Variants in ATRNL1 observed in about 807,000 individuals in gnomAD.
The protein encoded by ATRNL1 is attractin like 1, also known as attractin-like protein 1.
A neutral mutation model predicts 182.7 loss-of-function variants in ATRNL1; 95 were observed. The observed-to-expected ratio is 0.52, with a 90% CI of 0.44 to 0.62. ATRNL1 has a LOEUF of 0.62. Ranked by LOEUF, ATRNL1 falls within the 20% of genes least tolerant of loss-of-function variation. The pLI, the probability that ATRNL1 is intolerant of heterozygous loss-of-function variation, is 0.00. For synonymous variants in ATRNL1, 576 were observed against 568.3 expected, an observed-to-expected ratio of 1.01 and a Z score of -0.19; for missense variants, 1,471 against 1,679.5, an observed-to-expected ratio of 0.88 and a Z score of 2.17.
intron 8 of ATRNL1, among the ~76,000 whole-genome samples, chr10:115,187,494 G>C (rs1554888977): frequency 6.6e-6 from 1 of 151,874 alleles, no homozygotes; most frequent in African/African-American, 2.4e-5. Flanking sequence ...CATGAGAACT[G>C]GTGATCCCAG....
chr10:115,355,633 T>C (rs918813018), intron 19 of ATRNL1, among the ~76,000 whole-genome samples: 38 of 152,146 alleles, frequency 2.5e-4, no homozygotes, highest in African/African-American at 8.4e-4. Flanking sequence ...TCATGAAATA[T>C]ACAGACATTA....
intron 19 of ATRNL1, among the ~76,000 whole-genome samples, chr10:115,358,934 T>G (rs1254708493): frequency 1.3e-5 from 2 of 151,650 alleles, no homozygotes; most frequent in Non-Finnish European, 3.0e-5. Context: ...TTTATTCAGT[T>G]TCCAAGACTT....
rs782633296 is a variant in ATRNL1, at chr10:115,426,314, T to G, written c.3322+12T>G. ...AGGAACATGTTATTGTAAGTATATG[T>G]GTATTCTTCATTTTAAATAATTGGT... On this transcript the variant is annotated intron_variant, in intron 21 of 28. Transcript: ENST00000355044. 2.1e-5 allele frequency: 34 copies of G among 1,584,752 alleles called. No homozygotes were observed. Among genetic ancestry groups the G allele is most frequent in the Non-Finnish European group, 2.8e-5 (32 of 1,157,822 alleles).
chr10:115,666,993 G>T (rs181382174), intron 26 of ATRNL1, among the ~76,000 whole-genome samples: 1 of 152,248 alleles, frequency 6.6e-6, no homozygotes, highest in East Asian at 1.9e-4. Flanking sequence ...AATACATGCA[G>T]TTTAGGGACT....
intron 27 of ATRNL1, among the ~76,000 whole-genome samples, chr10:115,796,232 G>A (rs1949651185): frequency 6.6e-6 from 1 of 151,790 alleles, no homozygotes; most frequent in Non-Finnish European, 1.5e-5. Context: ...ATATGCGGTT[G>A]CCTTTTCCAC....
chr10:115,142,602 A>T (rs1418108183), intron 5 of ATRNL1, among the ~76,000 whole-genome samples: 1 of 152,178 alleles, frequency 6.6e-6, no homozygotes, highest in Admixed American at 6.5e-5. Context: ...CCATTGAAGG[A>T]TTTTGAGCAG....
intron 10 of ATRNL1, among the ~76,000 whole-genome samples, chr10:115,263,781 C>T (rs115434707): frequency 0.012 from 1,786 of 151,744 alleles, 33 homozygotes; most frequent in African/African-American, 0.04. Flanking sequence ...CATAGGCCTC[C>T]ATAATAATAT....
chr10:115,540,354 C>G (rs142533262), intron 25 of ATRNL1, among the ~76,000 whole-genome samples: 150 of 152,154 alleles, frequency 9.9e-4, no homozygotes, highest in African/African-American at 3.4e-3. Context: ...GCATTGTGAC[C>G]ATAGCCTCCA....
chr10:115,947,805 C>G lies in ATRNL1; in HGVS notation c.*3026C>G, dbSNP rs1331040665. 6.6e-6 allele frequency: 1 copy of G among 152,160 alleles called. No individual in the cohort carries two copies. Among genetic ancestry groups the G allele is most frequent in the Non-Finnish European group, 1.5e-5 (1 of 68,068 alleles). The allele number at this position is 152,160 out of a possible 1,614,324, so 9.4% of individuals were successfully genotyped here. ...ACAGGCTGGAAAACGGGCACTGGAC[C>G]CAGCTTTCAGGTGTGTGGTGCTGGG... On this transcript the variant is annotated 3_prime_UTR_variant, in exon 29 of 29. Transcript: ENST00000355044.
intron 17 of ATRNL1, among the ~76,000 whole-genome samples, chr10:115,309,203 A>G (rs2133997276): frequency 6.6e-6 from 1 of 152,234 alleles, no homozygotes; most frequent in Middle Eastern, 3.4e-3. Context: ...GAAGTTGGGT[A>G]ATATGATGCC....
chr10:115,690,922 G>A (rs1331875894), intron 26 of ATRNL1, among the ~76,000 whole-genome samples: 1 of 152,128 alleles, frequency 6.6e-6, no homozygotes, highest in Non-Finnish European at 1.5e-5. Flanking sequence ...GTAGGGATGT[G>A]GACTGCTGAA....
intron 26 of ATRNL1, among the ~76,000 whole-genome samples, chr10:115,687,932 T>C (rs1946271148): frequency 6.6e-6 from 1 of 152,106 alleles, no homozygotes; most frequent in South Asian, 2.1e-4. Flanking sequence ...TGTATGTTTT[T>C]AACCCTAATC....
At chr10:115,305,331 GT>G (rs1411919288) in intron 17 of ATRNL1, among the ~76,000 whole-genome samples, 2 of 152,162 alleles carry the variant, frequency 1.3e-5, no homozygotes, top group Non-Finnish European at 2.9e-5. Flanking sequence ...CAGCTGTTGT[GT>G]TCATTTGTTC....
chr10:115,566,021 T>C (rs1555001674), intron 26 of ATRNL1, among the ~76,000 whole-genome samples: 1 of 152,196 alleles, frequency 6.6e-6, no homozygotes, highest in African/African-American at 2.4e-5. Flanking sequence ...CTATAATTGG[T>C]AAATTATCTT....
At chr10:115,223,930 T>TATA (rs1491447423) in intron 9 of ATRNL1, among the ~76,000 whole-genome samples, 27 of 37,238 alleles carry the variant, frequency 7.3e-4, no homozygotes, top group South Asian at 3.1e-3. Context: ...TATATATATA[T>TATA]TTTTTTTTTT....
In ATRNL1 at chr10:115,361,522, G is replaced by A. The variant is rs7098918; in HGVS notation, c.3175+27103G>A. Among the ~76,000 whole-genome samples the A allele has an allele frequency of 5.0e-3, 758 of 152,070 alleles. 5 individuals carry two copies. Among genetic ancestry groups the A allele is most frequent in the African/African-American group, 0.016 (669 of 41,496 alleles). On this transcript the variant is annotated intron_variant, in intron 19 of 28. Coordinates refer to ENST00000355044, the MANE Select transcript of ATRNL1 (RefSeq NM_207303.4). ...TATGTGTACAGAAATGCTTACATAG[G>A]TGTCTACTCACAGACACATGTATTT...
At chr10:115,534,007 G>A (rs1239708539) in intron 25 of ATRNL1, among the ~76,000 whole-genome samples, 5 of 149,248 alleles carry the variant, frequency 3.4e-5, no homozygotes, top group Non-Finnish European at 6.0e-5. Flanking sequence ...ATTTGCTGAG[G>A]AGAGCTTTAC....
intron 26 of ATRNL1, among the ~76,000 whole-genome samples, chr10:115,569,892 C>T (rs1340775509): frequency 2.0e-5 from 3 of 151,854 alleles, no homozygotes; most frequent in Non-Finnish European, 4.4e-5. Flanking sequence ...GAGGCTGGGA[C>T]GTCTAAGATC....
intron 10 of ATRNL1, among the ~76,000 whole-genome samples, chr10:115,249,335 A>G (rs931953314): frequency 6.6e-6 from 1 of 152,074 alleles, no homozygotes; most frequent in Non-Finnish European, 1.5e-5. Context: ...ACAGATATAT[A>G]TATACACACA....
Sources: gnomAD v4.1 joint callset for allele counts (sites outside exome capture counted in the v4.1 genomes callset) on GRCh38, gnomAD v4.1.1 for gene constraint, MANE v1.5 for transcripts, NCBI Gene and HGNC (gene_info 2026-07-23, HGNC 2026-07-21) for gene names.